TMEM114: variants seen among roughly 807,000 people sequenced by gnomAD.
TMEM114 encodes the protein claudin-26.
A neutral mutation model predicts 6.2 loss-of-function variants in TMEM114; 6 were observed. The ratio of observed to expected loss-of-function variants is 0.97; its 90% CI spans 0.53 to 1.91. The LOEUF is 1.91. Ranked by LOEUF, TMEM114 falls within the 40% of genes most tolerant of loss-of-function variation. TMEM114 has a pLI of 0.01. For synonymous variants in TMEM114, 104 were observed against 73.0 expected, an observed-to-expected ratio of 1.42 and a Z score of -2.16; for missense variants, 218 against 158.3, an observed-to-expected ratio of 1.38 and a Z score of -2.02.
rs1567194876 is a variant in TMEM114 at position 8,543,446 on chromosome 16, G to GCAATGGTGCACCTTGCA, written n.213-5621_213-5620insTGCAAGGTGCACCATTG. 2.0e-3 allele frequency among the ~76,000 whole-genome samples: 204 copies of GCAATGGTGCACCTTGCA among 103,344 alleles called. 1 individual carries two copies. Among genetic ancestry groups the GCAATGGTGCACCTTGCA allele is most frequent in the African/African-American group, 6.4e-3 (196 of 30,748 alleles). The allele number at this position is 103,344 out of a possible 152,430, so 67.8% of individuals were successfully genotyped here. A position where few individuals can be genotyped will look rare whatever the true frequency, so the allele number is the denominator to read the frequency against. On this transcript the variant is annotated intron_variant and non_coding_transcript_variant, in intron 2 of 2. Coordinates refer to the TMEM114 transcript ENST00000623677. ...GCCCCAGTGTGACTGAGTCACTTGC[G>GCAATGGTGCACCTTGCA]TCATGCAATGGTGCACCTTGCATCA...
chr16:8,529,062 T>G, the TMEM114 span, among the ~76,000 whole-genome samples: 1 of 152,188 alleles, frequency 6.6e-6, no homozygotes, highest in South Asian at 2.1e-4. Context: ...GAAGAGGGCT[T>G]TAGAGAATCG....
chr16:8,574,910 G>C (rs1003234642), intron 2 of TMEM114, among the ~76,000 whole-genome samples: 4 of 152,068 alleles, frequency 2.6e-5, no homozygotes, highest in African/African-American at 7.2e-5. Context: ...CTTTGTGTGT[G>C]TGCCCTATTC....
chr16:8,572,246 AC>A, intron 2 of TMEM114, 22 bp from the exon 3 acceptor site: 2 of 1,551,620 alleles, frequency 1.3e-6, no homozygotes, highest in Non-Finnish European at 1.7e-6. Flanking sequence ...CAGAGAGGAT[AC>A]CAGGCAGAGG....
intron 2 of TMEM114, among the ~76,000 whole-genome samples, chr16:8,548,034 G>A (rs1448214733): frequency 6.6e-6 from 1 of 152,138 alleles, no homozygotes; most frequent in African/African-American, 2.4e-5. Context: ...GCCGGACTTT[G>A]TTAATTTCAT....
intron 2 of TMEM114, among the ~76,000 whole-genome samples, chr16:8,573,349 A>G (rs954144753): frequency 6.6e-6 from 1 of 152,184 alleles, no homozygotes; most frequent in Non-Finnish European, 1.5e-5. Flanking sequence ...CTCTAGTAGG[A>G]TCTGGGGCCA....
intron 2 of TMEM114, among the ~76,000 whole-genome samples, chr16:8,562,346 GAGTGAGTGAATT>G (rs1192531630): frequency 4.0e-5 from 6 of 151,358 alleles, no homozygotes; most frequent in Non-Finnish European, 8.8e-5. Flanking sequence ...GTGAATGAGT[GAGTGAGTGAATT>G]AGTGAGTGAA....
chr16:8,562,902 G>A (rs1307476111), intron 2 of TMEM114, among the ~76,000 whole-genome samples: 3 of 149,356 alleles, frequency 2.0e-5, no homozygotes, highest in East Asian at 3.9e-4. Context: ...ATGAGTGAAT[G>A]AGTGAGTGAA....
chr16:8,573,845 G>C (rs911854082), intron 2 of TMEM114, among the ~76,000 whole-genome samples: 1 of 152,180 alleles, frequency 6.6e-6, no homozygotes, highest in East Asian at 1.9e-4. Context: ...GGGCATCTGA[G>C]TCACTTTTAT....
downstream of TMEM114, among the ~76,000 whole-genome samples, chr16:8,564,957 ATGAG>A (rs1596481460): frequency 2.9e-5 from 2 of 68,322 alleles, no homozygotes; most frequent in Admixed American, 1.4e-4. Flanking sequence ...GGGTGAGTGA[ATGAG>A]TGAGTGAGGG....
chr16:8,564,200 AGTGG>A (rs1366591883), intron 2 of TMEM114, among the ~76,000 whole-genome samples: 24 of 149,924 alleles, frequency 1.6e-4, no homozygotes, highest in Non-Finnish European at 2.2e-4. Context: ...TGAATGAGTG[AGTGG>A]GTGAATGAGT....
chr16:8,561,856 GTGAGTGAGGGAATGAGTGAGTGAA>G (rs1382770043), intron 2 of TMEM114, among the ~76,000 whole-genome samples: 19 of 27,088 alleles, frequency 7.0e-4, no homozygotes, highest in Admixed American at 1.1e-3. Flanking sequence ...GAATGAATGA[GTGAGTGAGGGAATGAGTGAGTGAA>G]TGAGTGAGTG....
the TMEM114 span, among the ~76,000 whole-genome samples, chr16:8,529,279 G>C: frequency 0.016 from 2,474 of 152,276 alleles, 62 homozygotes; most frequent in African/African-American, 0.055. Context: ...TAAAAGTTGA[G>C]TGCAGCTATT....
chr16:8,536,728 G>T (rs776620809), downstream of TMEM114, among the ~76,000 whole-genome samples: 18 of 151,754 alleles, frequency 1.2e-4, no homozygotes, highest in African/African-American at 1.9e-4. Flanking sequence ...CATGTACCAG[G>T]CATTTAGCTC....
Position 8,569,527 on chromosome 16 carries a change from C to A in TMEM114, c.*246G>T. ...TGATTAAAGGATCGTTTTTATTTCT[C>A]GCGAAGCGGTTTGGCACTCCCTCGG... On this transcript the variant is annotated 3_prime_UTR_variant, in exon 4 of 4. Coordinates refer to ENST00000620492, the MANE Select transcript of TMEM114 (RefSeq NM_001146336.2). 7.2e-7 allele frequency: 1 copy of A among 1,392,240 alleles called. No homozygotes were observed. Among genetic ancestry groups the A allele is most frequent in the Non-Finnish European group, 9.3e-7 (1 of 1,074,964 alleles). The allele number at this position is 1,392,240 out of a possible 1,614,324, so 86.2% of individuals were successfully genotyped here.
At chr16:8,565,049 G>C (rs201144294), downstream of TMEM114, among the ~76,000 whole-genome samples, 2 of 93,236 alleles carry the variant, frequency 2.1e-5, no homozygotes, top group South Asian at 3.1e-4. Flanking sequence ...GAGTGAATGA[G>C]TGAGTGAGTG....
rs771868557 is a variant in TMEM114 at position 8,562,340 on chromosome 16, ATGAG to A, written n.213-24518_213-24515del. Among the ~76,000 whole-genome samples the A allele has an allele frequency of 9.6e-3, 1,026 of 106,998 alleles. 11 individuals carry two copies. The highest frequency in any genetic ancestry group is 0.058 in the Middle Eastern group (7 of 120). 70.2% of individuals were successfully genotyped at this position (106,998 alleles called of 152,430 possible). A position where few individuals can be genotyped will look rare whatever the true frequency, so the allele number is the denominator to read the frequency against. On this transcript the variant is annotated intron_variant and non_coding_transcript_variant, in intron 2 of 2. Coordinates refer to the TMEM114 transcript ENST00000623677. ...AGTGAGGGAGGGAGGGAATGAGTGA[ATGAG>A]TGAGTGAGTGAATTAGTGAGTGAAT...
intron 2 of TMEM114, among the ~76,000 whole-genome samples, chr16:8,578,718 C>G (rs547820597): frequency 6.6e-6 from 1 of 152,188 alleles, no homozygotes; most frequent in Non-Finnish European, 1.5e-5. Context: ...GTGGCCCACA[C>G]CTGTAATCCC....
At chr16:8,544,218 T>G (rs1278687574) in intron 2 of TMEM114, among the ~76,000 whole-genome samples, 1 of 152,234 alleles carries the variant, frequency 6.6e-6, no homozygotes, top group Non-Finnish European at 1.5e-5. Flanking sequence ...AGCCCTCTCA[T>G]GCTGGCTTTA....
chr16:8,559,354 C>T (rs933025611), intron 2 of TMEM114, among the ~76,000 whole-genome samples: 7 of 152,170 alleles, frequency 4.6e-5, no homozygotes, highest in Admixed American at 6.5e-5. Context: ...TAATTCCACC[C>T]AGTTCTGAGA....
Sources: allele counts gnomAD v4.1 joint callset (sites outside exome capture counted in the v4.1 genomes callset), GRCh38; gene constraint gnomAD v4.1.1; transcripts MANE v1.5; gene names NCBI Gene and HGNC (gene_info 2026-07-23, HGNC 2026-07-21).